The following MYO9A variants were observed in gnomAD, a reference collection of about 807,000 sequenced individuals.
The protein encoded by MYO9A is unconventional myosin-IXa.
A neutral mutation model predicts 293.3 loss-of-function variants in MYO9A; 103 were observed. That is an observed-to-expected ratio of 0.35 (90% CI 0.30 to 0.41). MYO9A has a LOEUF of 0.41. Ranked by LOEUF, MYO9A falls within the 10% of genes least tolerant of loss-of-function variation. The probability of loss-of-function intolerance (pLI) is 1.00; values close to 1 mark genes in which losing one functional copy is unlikely to be tolerated. For missense variants in MYO9A, 2,685 were observed against 3,033.0 expected (o/e 0.89, Z 2.69); for synonymous variants, 1,001 against 1,035.7 (o/e 0.97, Z 0.64).
chr15:71,878,664 G>C lies in MYO9A; in HGVS notation c.5740-433C>G, dbSNP rs183190253. Among the ~76,000 whole-genome samples, 12 of 151,458 alleles carry C rather than the reference G, an allele frequency of 7.9e-5. No individual in the cohort carries two copies. In the East Asian group the frequency reaches 2.1e-3, roughly 27 times the overall value. Reference sequence around the variant, plus strand: ...AACCAATTTATTTTTCCAAAGAAGAGTGACATGCCCAGAATAACATCATAT... The same window carrying C: ...AACCAATTTATTTTTCCAAAGAAGACTGACATGCCCAGAATAACATCATAT... On this transcript the variant is annotated intron_variant, in intron 30 of 41. Transcript: ENST00000356056.
chr15:72,018,832 C>CCAAAAAAAG (rs1335850821), intron 6 of MYO9A, among the ~76,000 whole-genome samples: 1 of 151,750 alleles, frequency 6.6e-6, no homozygotes, highest in Non-Finnish European at 1.5e-5. Flanking sequence ...AGAAAATAGC[C>CCAAAAAAAG]CAAAAAAAGT....
chr15:72,092,470 C>T (rs1247509195), intron 1 of MYO9A, among the ~76,000 whole-genome samples: 2 of 152,054 alleles, frequency 1.3e-5, no homozygotes, highest in Admixed American at 6.6e-5. Flanking sequence ...CCAGCTACTC[C>T]GGAGGCTGAG....
intron 12 of MYO9A, among the ~76,000 whole-genome samples, chr15:71,971,603 GA>G (rs10709554): frequency 0.74 from 104,194 of 141,500 alleles, 38,230 homozygotes; most frequent in Middle Eastern, 0.77. Context: ...GAAAAAAAAA[GA>G]AAAAAAAAAA....
At chr15:72,069,028 C>T (rs1293428313) in intron 1 of MYO9A, among the ~76,000 whole-genome samples, 1 of 152,214 alleles carries the variant, frequency 6.6e-6, no homozygotes, top group Admixed American at 6.5e-5. Context: ...AGGATGTGCA[C>T]ATCAGCAGTC....
intron 38 of MYO9A, among the ~76,000 whole-genome samples, chr15:71,849,319 C>T (rs1380070312): frequency 6.6e-6 from 1 of 152,100 alleles, no homozygotes; most frequent in Non-Finnish European, 1.5e-5. Context: ...CATGGTGGTG[C>T]ACGCCTATAA....
chr15:71,854,427 T>G lies in MYO9A; in HGVS notation c.6296A>C (p.Lys2099Thr). Reference protein sequence around the residue: ...HGLYTEGIYRKSGSTNKIKEL... With the variant: ...HGLYTEGIYRTSGSTNKIKEL... ...CTTGATTTTATTAGTCGAACCAGAC[T>G]TTCGATAAATACCTTCTGTATACAG... The change falls in exon 35 of 42, where the codon AAG (lysine) becomes ACG (threonine). Residue 2099 changes from lysine to threonine, a missense_variant. By Grantham distance (78) the Lys-to-Thr change is moderately conservative. This residue lies in a region of MYO9A where 238 missense variants were observed against 269.1 expected (regional missense o/e 0.88). Coordinates refer to ENST00000356056, the MANE Select transcript of MYO9A (RefSeq NM_006901.4). 1.2e-6 allele frequency: 2 copies of G among 1,608,666 alleles called. No homozygotes were observed. Among genetic ancestry groups the G allele is most frequent in the Non-Finnish European group, 1.7e-6 (2 of 1,177,912 alleles).
chr15:71,990,108 A>G (rs2076501893), intron 11 of MYO9A, among the ~76,000 whole-genome samples: 1 of 145,922 alleles, frequency 6.9e-6, no homozygotes, highest in Non-Finnish European at 1.5e-5. Flanking sequence ...TTTTTTTGAG[A>G]CAGTCTCATT....
intron 32 of MYO9A, among the ~76,000 whole-genome samples, chr15:71,866,685 C>A (rs1017828968): frequency 1.3e-5 from 2 of 152,112 alleles, no homozygotes; most frequent in Non-Finnish European, 2.9e-5. Flanking sequence ...ACTAATAGAT[C>A]TTTTTTCTGC....
intron 11 of MYO9A, among the ~76,000 whole-genome samples, chr15:71,982,411 C>A (rs1596320147): frequency 6.6e-6 from 1 of 152,014 alleles, no homozygotes; most frequent in Non-Finnish European, 1.5e-5. Flanking sequence ...GTATTAAAAT[C>A]TGTGTCATTT....
At chr15:71,998,327 G>T (rs2076759707) in intron 9 of MYO9A, among the ~76,000 whole-genome samples, 1 of 152,058 alleles carries the variant, frequency 6.6e-6, no homozygotes, top group Non-Finnish European at 1.5e-5. Context: ...AGAGGATCAG[G>T]AAAAGTAACT....
At chr15:71,935,903 T>TACAC (rs66924608) in intron 16 of MYO9A, among the ~76,000 whole-genome samples, 82,596 of 147,860 alleles carry the variant, frequency 0.56, 23,766 homozygotes, top group Middle Eastern at 0.7. Context: ...AGGTCTTATT[T>TACAC]ACACACACAC....
At chr15:71,904,694 G>A (rs547779732) in intron 20 of MYO9A, among the ~76,000 whole-genome samples, 88 of 152,134 alleles carry the variant, frequency 5.8e-4, no homozygotes, top group African/African-American at 2.0e-3. Context: ...TTTTCTGACA[G>A]GACTTCAAGA....
intron 39 of MYO9A, among the ~76,000 whole-genome samples, chr15:71,830,873 A>G (rs2054694050): frequency 6.6e-6 from 1 of 152,056 alleles, no homozygotes; most frequent in African/African-American, 2.4e-5. Context: ...CAAAAACAAA[A>G]TGTAGTCATT....
intron 19 of MYO9A, among the ~76,000 whole-genome samples, chr15:71,906,950 TTTA>T (rs1189632548): frequency 1.3e-5 from 2 of 149,962 alleles, no homozygotes; most frequent in African/African-American, 2.5e-5. Context: ...CTTTTTTTTT[TTTA>T]TTATTATACT....
intron 2 of MYO9A, among the ~76,000 whole-genome samples, chr15:72,036,107 A>C (rs2078038947): frequency 6.6e-6 from 1 of 152,214 alleles, no homozygotes; most frequent in Non-Finnish European, 1.5e-5. Context: ...GAAAATATTC[A>C]TCACAAGCTA....
intron 19 of MYO9A, among the ~76,000 whole-genome samples, chr15:71,907,102 C>T (rs191924230): frequency 2.1e-5 from 3 of 141,996 alleles, no homozygotes; most frequent in East Asian, 2.1e-4. Context: ...CCTCCCCCTA[C>T]CCCACAACAG....
chr15:71,978,132 A>G (rs200285997), intron 12 of MYO9A, 39 bp downstream of exon 12: 1 of 1,605,146 alleles, frequency 6.2e-7, no homozygotes, highest in Admixed American at 1.7e-5. Context: ...ATAAAAAGCC[A>G]AAACAGCCAA....
chr15:72,007,581 G>A (rs1332540992), intron 8 of MYO9A, among the ~76,000 whole-genome samples: 1 of 152,098 alleles, frequency 6.6e-6, no homozygotes, highest in Admixed American at 6.6e-5. Context: ...AGGGACTATG[G>A]ATGTCTGGAG....
chr15:71,927,554 C>G (rs990150489), intron 18 of MYO9A, among the ~76,000 whole-genome samples: 5 of 152,070 alleles, frequency 3.3e-5, no homozygotes, highest in African/African-American at 1.2e-4. Flanking sequence ...ATCCCATGGC[C>G]GGCCCTGCAG....
Sources: gnomAD v4.1 joint callset for allele counts (sites outside exome capture counted in the v4.1 genomes callset) on GRCh38, gnomAD v4.1.1 for gene constraint, gnomAD v4.1.1 regional missense constraint, MANE v1.5 for transcripts, NCBI Gene and HGNC (gene_info 2026-07-23, HGNC 2026-07-21) for gene names.